The following AGBL1 variants were observed in gnomAD, a reference collection of about 807,000 sequenced individuals.
The protein encoded by AGBL1 is cytosolic carboxypeptidase 4.
A neutral mutation model predicts 118.9 loss-of-function variants in AGBL1; 130 were observed. The ratio of observed to expected loss-of-function variants is 1.09; its 90% CI spans 0.95 to 1.26. The LOEUF (loss-of-function observed/expected upper bound fraction) is 1.26, where lower values mean the gene tolerates loss of function less well. Ranked by LOEUF, AGBL1 falls within the 50% of genes most tolerant of loss-of-function variation. The pLI is 0.00. For missense variants in AGBL1, 1,584 were observed against 1,298.1 expected (o/e 1.22, Z -3.38); for synonymous variants, 555 against 478.9 (o/e 1.16, Z -2.08).
chr15:86,385,623 C>A (rs373309710), intron 17 of AGBL1, among the ~76,000 whole-genome samples: 14 of 152,238 alleles, frequency 9.2e-5, no homozygotes, highest in African/African-American at 3.4e-4. Context: ...TTGTCTGACA[C>A]TCCTTGACAT....
intron 18 of AGBL1, among the ~76,000 whole-genome samples, chr15:86,441,352 C>T (rs993666946): frequency 3.3e-5 from 5 of 152,132 alleles, no homozygotes; most frequent in African/African-American, 1.2e-4. Flanking sequence ...TTCAACATCT[C>T]GTGCTATGGA....
At chr15:86,473,594 A>C (rs1468950343) in intron 18 of AGBL1, among the ~76,000 whole-genome samples, 1 of 152,164 alleles carries the variant, frequency 6.6e-6, no homozygotes, top group East Asian at 1.9e-4. Flanking sequence ...ACTTTGTGTT[A>C]ATGTATGTAT....
chr15:86,963,354 A>T (rs780032304), intron 23 of AGBL1, among the ~76,000 whole-genome samples: 1 of 152,100 alleles, frequency 6.6e-6, no homozygotes, highest in Non-Finnish European at 1.5e-5. Context: ...AAATATTCTA[A>T]TGGTTTGAAA....
chr15:86,141,966 T>C, intron 1 of AGBL1, 38 bp from the exon 2 acceptor site: 6 of 1,542,478 alleles, frequency 3.9e-6, no homozygotes, highest in Non-Finnish European at 5.3e-6. Context: ...TCCTTCCTCT[T>C]GCATTCTTAA....
chr15:86,668,105 C>T (rs890900743), intron 21 of AGBL1, among the ~76,000 whole-genome samples: 1 of 152,134 alleles, frequency 6.6e-6, no homozygotes. Flanking sequence ...TCACTCGTTC[C>T]CATGGGGAGG....
intron 6 of AGBL1, among the ~76,000 whole-genome samples, chr15:86,230,229 C>T (rs1321209834): frequency 6.6e-6 from 1 of 152,184 alleles, no homozygotes; most frequent in Admixed American, 6.5e-5. Flanking sequence ...GCCTCATAGT[C>T]TCAGGAGTCG....
At chr15:86,445,033 T>C (rs902177036) in intron 18 of AGBL1, among the ~76,000 whole-genome samples, 1 of 152,162 alleles carries the variant, frequency 6.6e-6, no homozygotes, top group African/African-American at 2.4e-5. Context: ...CACGTTGTCT[T>C]TGCCTGTCTG....
At chr15:86,766,106 G>A (rs1241586853) in intron 22 of AGBL1, among the ~76,000 whole-genome samples, 1 of 151,872 alleles carries the variant, frequency 6.6e-6, no homozygotes, top group Admixed American at 6.6e-5. Flanking sequence ...CAACAGCCCA[G>A]TGAGATAGGT....
At chr15:86,335,327 A>G (rs796881630) in intron 17 of AGBL1, among the ~76,000 whole-genome samples, 2 of 151,924 alleles carry the variant, frequency 1.3e-5, no homozygotes, top group South Asian at 4.2e-4. Flanking sequence ...TTTAGTAGAG[A>G]TGGGGTTTCA....
intron 19 of AGBL1, among the ~76,000 whole-genome samples, chr15:86,530,446 C>A (rs1315292838): frequency 1.5e-5 from 2 of 135,918 alleles, no homozygotes; most frequent in African/African-American, 3.2e-5. Context: ...CAGGAGCACC[C>A]AGATTCATAA....
intron 22 of AGBL1, among the ~76,000 whole-genome samples, chr15:86,829,700 G>C (rs2079077090): frequency 6.6e-6 from 1 of 152,180 alleles, no homozygotes; most frequent in African/African-American, 2.4e-5. Flanking sequence ...GAAGATCAGA[G>C]ACCAGCAGAT....
At chr15:86,428,071 G>T (rs2081889022) in intron 18 of AGBL1, among the ~76,000 whole-genome samples, 1 of 152,100 alleles carries the variant, frequency 6.6e-6, no homozygotes, top group Non-Finnish European at 1.5e-5. Flanking sequence ...GCCCATGGAT[G>T]GCTTGTCTCT....
At chr15:86,550,479 A>G (rs1212825558) in intron 20 of AGBL1, among the ~76,000 whole-genome samples, 2 of 152,204 alleles carry the variant, frequency 1.3e-5, no homozygotes, top group African/African-American at 2.4e-5. Context: ...AGATGGTTAT[A>G]TTGACATAAG....
chr15:86,343,662 T>G (rs1277896164), intron 17 of AGBL1, among the ~76,000 whole-genome samples: 1 of 152,126 alleles, frequency 6.6e-6, no homozygotes, highest in East Asian at 1.9e-4. Flanking sequence ...GAACAAATAT[T>G]GGGAGAGGAG....
rs142253558 is a variant in AGBL1 at position 87,011,509 on chromosome 15, G to A, written c.3324-17316G>A. 3.3e-5 allele frequency among the ~76,000 whole-genome samples: 5 copies of A among 152,360 alleles called. No individual in the cohort carries two copies. In the East Asian group the frequency reaches 9.6e-4, roughly 29 times the overall value. On this transcript the variant is annotated intron_variant, in intron 24 of 24. Transcript: ENST00000441037. ...AAGAGATAAATTACTTGGTAATTCTGTATGTCACCAAAATATTCCCCTTGT... is the reference window on the plus strand; with the variant it reads ...AAGAGATAAATTACTTGGTAATTCTATATGTCACCAAAATATTCCCCTTGT...
intron 17 of AGBL1, among the ~76,000 whole-genome samples, chr15:86,371,964 G>T (rs1373145750): frequency 6.6e-6 from 1 of 152,100 alleles, no homozygotes; most frequent in Non-Finnish European, 1.5e-5. Context: ...TCTGGGGCGG[G>T]GGTACCTGGC....
intron 1 of AGBL1, among the ~76,000 whole-genome samples, chr15:86,139,505 G>A (rs898822855): frequency 1.3e-5 from 2 of 152,046 alleles, no homozygotes; most frequent in African/African-American, 2.4e-5. Flanking sequence ...TAAGCCAGCC[G>A]GGTGTGGTGG....
intron 17 of AGBL1, among the ~76,000 whole-genome samples, chr15:86,350,196 C>T (rs952159832): frequency 6.6e-6 from 1 of 152,134 alleles, no homozygotes; most frequent in Non-Finnish European, 1.5e-5. Flanking sequence ...CACATTTTCT[C>T]TTTAATTTTT....
intron 16 of AGBL1, among the ~76,000 whole-genome samples, chr15:86,294,624 T>C (rs1342472417): frequency 6.6e-6 from 1 of 152,118 alleles, no homozygotes; most frequent in African/African-American, 2.4e-5. Flanking sequence ...TGTGATACTA[T>C]GTGCTGTAGA....
Sources: gnomAD v4.1 joint callset for allele counts (sites outside exome capture counted in the v4.1 genomes callset) on GRCh38, gnomAD v4.1.1 for gene constraint, MANE v1.5 for transcripts, NCBI Gene and HGNC (gene_info 2026-07-23, HGNC 2026-07-21) for gene names.